Variants in ANKRD44 observed in about 807,000 individuals in gnomAD.
The protein encoded by ANKRD44 is serine/threonine-protein phosphatase 6 regulatory ankyrin repeat subunit B.
ANKRD44 carries 35 observed loss-of-function variants against 116.0 expected under a neutral mutation model. The observed-to-expected ratio is 0.30, with a 90% CI of 0.23 to 0.40. ANKRD44 has a LOEUF of 0.40. Ranked by LOEUF, ANKRD44 falls within the 10% of genes least tolerant of loss-of-function variation. ANKRD44 has a pLI of 1.00. For missense variants in ANKRD44, 1,014 were observed against 1,242.6 expected (o/e 0.82, Z 2.77); for synonymous variants, 435 against 461.8 (o/e 0.94, Z 0.74).
At chr2:197,278,444 C>G (rs553972141) in intron 1 of ANKRD44, among the ~76,000 whole-genome samples, 2 of 151,628 alleles carry the variant, frequency 1.3e-5, no homozygotes, top group Non-Finnish European at 2.9e-5. Context: ...GCAACCTCCA[C>G]CTCCCGGGTT....
At chr2:197,208,174 A>G (rs1290720125) in intron 1 of ANKRD44, among the ~76,000 whole-genome samples, 2 of 152,220 alleles carry the variant, frequency 1.3e-5, no homozygotes, top group Admixed American at 6.5e-5. Flanking sequence ...CTCTCAAAAC[A>G]AAAGCGTGAC....
chr2:197,307,693 T>C (rs1407416147), intron 1 of ANKRD44, among the ~76,000 whole-genome samples: 1 of 152,202 alleles, frequency 6.6e-6, no homozygotes, highest in Non-Finnish European at 1.5e-5. Flanking sequence ...GCTGAAGTAG[T>C]GTCTGCTTCA....
chr2:197,086,331 A>G (rs1201172653), intron 13 of ANKRD44, among the ~76,000 whole-genome samples: 1 of 152,188 alleles, frequency 6.6e-6, no homozygotes, highest in East Asian at 1.9e-4. Context: ...TGTTCAATAC[A>G]TATAATAAAA....
chr2:196,971,638 G>T (rs2075716627), intron 21 of ANKRD44, among the ~76,000 whole-genome samples: 1 of 152,116 alleles, frequency 6.6e-6, no homozygotes, highest in South Asian at 2.1e-4. Context: ...TGGCATGCGT[G>T]TCTCTACTTT....
chr2:197,100,977 C>T (rs1394460466), intron 9 of ANKRD44, among the ~76,000 whole-genome samples: 1 of 152,038 alleles, frequency 6.6e-6, no homozygotes, highest in Non-Finnish European at 1.5e-5. Flanking sequence ...AACATTTTAC[C>T]GCTAAGTATG....
intron 1 of ANKRD44, among the ~76,000 whole-genome samples, chr2:197,279,064 A>G (rs1178037932): frequency 6.6e-6 from 1 of 152,158 alleles, no homozygotes; most frequent in Non-Finnish European, 1.5e-5. Flanking sequence ...AGGCTGGATA[A>G]TATTTCATAA....
intron 17 of ANKRD44, among the ~76,000 whole-genome samples, chr2:197,024,066 A>G (rs2076546218): frequency 6.6e-6 from 1 of 152,100 alleles, no homozygotes; most frequent in Admixed American, 6.5e-5. Flanking sequence ...AGCTCCACAC[A>G]TATGGTCAGT....
intron 16 of ANKRD44, among the ~76,000 whole-genome samples, chr2:197,042,183 G>A (rs1033975898): frequency 8.6e-5 from 13 of 152,010 alleles, no homozygotes; most frequent in African/African-American, 2.9e-4. Context: ...TTTCCACTGC[G>A]GGGTCCACCT....
chr2:196,990,984 G>C (rs749608532), intron 27 of ANKRD44: 86 of 1,212,742 alleles, frequency 7.1e-5, no homozygotes, highest in Non-Finnish European at 8.7e-5. Context: ...GAGGAGGCAC[G>C]AGCATTCCAC....
intron 16 of ANKRD44, among the ~76,000 whole-genome samples, chr2:197,034,345 T>C (rs574040769): frequency 1.3e-5 from 2 of 151,956 alleles, no homozygotes; most frequent in African/African-American, 4.8e-5. Flanking sequence ...AAACTAGTCA[T>C]AACTTTCTTG....
chr2:196,974,883 C>A, intron 21 of ANKRD44, among the ~76,000 whole-genome samples: 1 of 148,924 alleles, frequency 6.7e-6, no homozygotes. Context: ...GAGTGAGACT[C>A]CATCTCAAAA....
intron 2 of ANKRD44, among the ~76,000 whole-genome samples, chr2:197,172,250 A>G (rs907473402): frequency 6.6e-6 from 1 of 151,886 alleles, no homozygotes; most frequent in Non-Finnish European, 1.5e-5. Flanking sequence ...GATCCACCCA[A>G]CTTGGCCTCC....
chr2:197,218,470 G>C (rs1379508079), intron 1 of ANKRD44, among the ~76,000 whole-genome samples: 1 of 152,116 alleles, frequency 6.6e-6, no homozygotes, highest in Non-Finnish European at 1.5e-5. Context: ...ATTTACCTGG[G>C]TTTTCCCAGC....
chr2:197,206,113 G>A lies in ANKRD44; in HGVS notation c.28-19007C>T, dbSNP rs561631360. Among the ~76,000 whole-genome samples the A allele has an allele frequency of 2.6e-5, 4 of 152,214 alleles. No homozygotes were observed. The South Asian group carries it at 6.2e-4, about 24-fold the overall frequency. On this transcript the variant is annotated intron_variant, in intron 1 of 27. Transcript: ENST00000282272. ...GCTGCGGAGAGGAGAATGGATTGGC[G>A]GAGAGAACACAAGGGAGGCTGTGGC...
At chr2:197,174,848 T>C (rs1420956684) in intron 2 of ANKRD44, among the ~76,000 whole-genome samples, 6 of 152,120 alleles carry the variant, frequency 3.9e-5, no homozygotes, top group Non-Finnish European at 5.9e-5. Context: ...AAGTTAGAGG[T>C]TGATTAAGGG....
At chr2:197,218,923 CTA>C (rs2081518914) in intron 1 of ANKRD44, among the ~76,000 whole-genome samples, 1 of 151,456 alleles carries the variant, frequency 6.6e-6, no homozygotes, top group Non-Finnish European at 1.5e-5. Context: ...CCACGCCCAG[CTA>C]ATTTTTGTAT....
At chr2:197,294,983 A>G (rs2105889800) in intron 1 of ANKRD44, among the ~76,000 whole-genome samples, 1 of 152,314 alleles carries the variant, frequency 6.6e-6, no homozygotes, top group Admixed American at 6.5e-5. Flanking sequence ...AAGGCAAGTG[A>G]TTTAAAATAT....
At chr2:197,029,635 G>A in intron 16 of ANKRD44, 1 of 359,718 alleles carries the variant, frequency 2.8e-6, no homozygotes, top group Non-Finnish European at 5.3e-6. Flanking sequence ...GTTTCTGAAG[G>A]CCTTCATGGT....
intron 21 of ANKRD44, among the ~76,000 whole-genome samples, chr2:196,980,351 A>G (rs1175221917): frequency 2.0e-5 from 3 of 152,230 alleles, no homozygotes; most frequent in Non-Finnish European, 4.4e-5. Context: ...TAAAACAGTA[A>G]GGAGTAAATT....
Sources: allele counts gnomAD v4.1 joint callset (sites outside exome capture counted in the v4.1 genomes callset), GRCh38; gene constraint gnomAD v4.1.1; transcripts MANE v1.5; gene names NCBI Gene and HGNC (gene_info 2026-07-23, HGNC 2026-07-21).